The following RELCH variants were observed in gnomAD, a reference collection of about 807,000 sequenced individuals.
RELCH encodes the protein RAB11 binding and LisH domain, coiled-coil and HEAT repeat containing, also known as RAB11-binding protein RELCH.
Under a neutral mutation model 150.3 loss-of-function variants are expected in RELCH, and 41 were observed. That is an observed-to-expected ratio of 0.27 (90% CI 0.21 to 0.35). The LOEUF is 0.35. RELCH is among the 10% of genes least tolerant of loss of function. RELCH has a pLI of 1.00. For missense variants in RELCH, 1,092 were observed against 1,467.8 expected (o/e 0.74, Z 4.18); for synonymous variants, 478 against 531.8 (o/e 0.90, Z 1.39).
At chr18:62,229,102 C>A (rs555496206) in intron 8 of RELCH, among the ~76,000 whole-genome samples, 1 of 152,122 alleles carries the variant, frequency 6.6e-6, no homozygotes, top group South Asian at 2.1e-4. Flanking sequence ...ATGACAAAAA[C>A]CATGGTCCCT....
intron 1 of RELCH, among the ~76,000 whole-genome samples, chr18:62,203,642 C>A (rs1019709419): frequency 1.3e-5 from 2 of 152,252 alleles, no homozygotes. Flanking sequence ...TTAGCAGTAG[C>A]CTTAATCAAC....
chr18:62,273,976 G>A lies in RELCH; in HGVS notation c.2761-4G>A. 1.3e-6 allele frequency: 2 copies of A among 1,580,672 alleles called. No homozygotes were observed. The highest frequency in any genetic ancestry group is 1.7e-6 in the Non-Finnish European group (2 of 1,150,784). The stretch of plus-strand genomic sequence containing the variant: ...AATTCAGTATCAGTATTTTTCCTCT[G>A]TAGGAAGAAGACCGAAAACTGTTAG... On this transcript the variant is annotated splice_region_variant and splice_polypyrimidine_tract_variant and intron_variant, in intron 20 of 28. Coordinates refer to ENST00000644646, the MANE Select transcript of RELCH (RefSeq NM_001346231.2).
rs148287176 is a variant in RELCH at position 62,279,148 on chromosome 18, C to T, written c.2968-626C>T. On this transcript the variant is annotated intron_variant, in intron 22 of 28. Coordinates refer to ENST00000644646, the MANE Select transcript of RELCH (RefSeq NM_001346231.2). ...GGAAAATACTATGTATCTAAGACCACATGGCTTATATGTGGAGAACTGACG... is the reference window on the plus strand; with the variant it reads ...GGAAAATACTATGTATCTAAGACCATATGGCTTATATGTGGAGAACTGACG... Among the ~76,000 whole-genome samples, 316 of 152,292 alleles carry T rather than the reference C, an allele frequency of 2.1e-3. 4 individuals carry two copies. Among genetic ancestry groups the T allele is most frequent in the African/African-American group, 7.3e-3 (305 of 41,566 alleles).
At chr18:62,241,658 AT>A (rs2042153855) in intron 10 of RELCH, among the ~76,000 whole-genome samples, 1 of 152,102 alleles carries the variant, frequency 6.6e-6, no homozygotes, top group African/African-American at 2.4e-5. Flanking sequence ...TTTAATCACC[AT>A]TTTTTAAATG....
chr18:62,190,084 A>C (rs1224578644), intron 1 of RELCH, among the ~76,000 whole-genome samples: 3 of 152,222 alleles, frequency 2.0e-5, no homozygotes, highest in Non-Finnish European at 4.4e-5. Context: ...TCCTGTCTTT[A>C]ATGGTAGTTG....
chr18:62,260,212 T>TAAAAAAAA (rs1555739804), intron 15 of RELCH, among the ~76,000 whole-genome samples: 1 of 39,498 alleles, frequency 2.5e-5, no homozygotes, highest in African/African-American at 1.0e-4. Context: ...AAAATCCAAT[T>TAAAAAAAA]AAGGAATGGG....
rs910039311 is a variant in RELCH, at chr18:62,277,946, A to G, written c.2968-1828A>G. 4.6e-6 allele frequency: 3 copies of G among 648,762 alleles called. No homozygotes were observed. In the African/African-American group the frequency reaches 5.9e-5, roughly 13 times the overall value. The allele number at this position is 648,762 out of a possible 1,614,324, so 40.2% of individuals were successfully genotyped here. A position where few individuals can be genotyped will look rare whatever the true frequency, so the allele number is the denominator to read the frequency against. On this transcript the variant is annotated intron_variant, in intron 22 of 28. Coordinates refer to ENST00000644646, the MANE Select transcript of RELCH (RefSeq NM_001346231.2). Reference sequence around the variant, plus strand: ...ATGGACTTTAAGTCAGATGGGACAGAGTTCCTTTGCAGGCCCTGCAACTTA... The same window carrying G: ...ATGGACTTTAAGTCAGATGGGACAGGGTTCCTTTGCAGGCCCTGCAACTTA...
Position 62,264,766 on chromosome 18 carries a change from G to C in RELCH, c.2545G>C (p.Val849Leu), listed in dbSNP as rs2043459323. Reference protein sequence around the residue: ...QLIEIVGKINVTSTACVHEFS... With the variant: ...QLIEIVGKINLTSTACVHEFS... ...TATAGAAATAGTTGGCAAAATTAAT[G>C]TTACTTCAACTGCCTGTGTCCATGA... The change falls in exon 18 of 29, where the codon GTT becomes CTT. Residue 849 changes from valine to leucine, a missense_variant. By Grantham distance (32) the Val-to-Leu change is conservative (BLOSUM62 1). This residue lies in a region of RELCH where 707 missense variants were observed against 1,025.4 expected (regional missense o/e 0.69). Transcript: ENST00000644646. 6.2e-7 allele frequency: 1 copy of C among 1,604,076 alleles called. No homozygotes were observed. Among genetic ancestry groups the C allele is most frequent in the Non-Finnish European group, 8.5e-7 (1 of 1,174,264 alleles).
At chr18:62,225,446 A>T (rs968980630) in intron 5 of RELCH, among the ~76,000 whole-genome samples, 9 of 152,156 alleles carry the variant, frequency 5.9e-5, no homozygotes, top group Admixed American at 4.6e-4. Flanking sequence ...CTAATAAAGG[A>T]GTTATATCCA....
At chr18:62,210,639 T>C (rs562376264) in intron 1 of RELCH, among the ~76,000 whole-genome samples, 8 of 152,368 alleles carry the variant, frequency 5.3e-5, no homozygotes, top group African/African-American at 1.9e-4. Context: ...TTATACTAGC[T>C]ATAATAAAAT....
chr18:62,197,668 C>T (rs1438230963), intron 1 of RELCH, among the ~76,000 whole-genome samples: 3 of 152,112 alleles, frequency 2.0e-5, no homozygotes, highest in Admixed American at 6.5e-5. Context: ...GAATTGAATA[C>T]CCATTACAAT....
intron 2 of RELCH, among the ~76,000 whole-genome samples, chr18:62,216,550 G>C (rs1013232224): frequency 6.6e-6 from 1 of 151,938 alleles, no homozygotes; most frequent in Non-Finnish European, 1.5e-5. Flanking sequence ...TAATGTTTCA[G>C]ATTTATCACA....
chr18:62,236,785 T>A (rs969217740), intron 10 of RELCH, among the ~76,000 whole-genome samples: 43 of 151,884 alleles, frequency 2.8e-4, no homozygotes, highest in Non-Finnish European at 6.3e-4. Flanking sequence ...TAATTCTCTT[T>A]ATTGTTTTTC....
At chr18:62,251,268 A>C (rs1035154490) in intron 11 of RELCH, among the ~76,000 whole-genome samples, 1 of 152,202 alleles carries the variant, frequency 6.6e-6, no homozygotes, top group South Asian at 2.1e-4. Flanking sequence ...CGTTGGGGCT[A>C]TAGTCATCTC....
rs1599886882 is a variant in RELCH at position 62,220,902 on chromosome 18, A to G, written c.617-135A>G. The G allele has an allele frequency of 9.3e-6, 7 of 755,946 alleles. No homozygotes were observed. The East Asian group carries it at 1.5e-4, about 16-fold the overall frequency. The allele number at this position is 755,946 out of a possible 1,614,324, so 46.8% of individuals were successfully genotyped here. A position where few individuals can be genotyped will look rare whatever the true frequency, so the allele number is the denominator to read the frequency against. ...TGCTGCATGCGTTCACAAGTTTCAT[A>G]AAGATTGCATGCTTTCTGTTTTCAA... On this transcript the variant is annotated intron_variant, in intron 2 of 28. Coordinates refer to ENST00000644646, the MANE Select transcript of RELCH (RefSeq NM_001346231.2).
chr18:62,246,577 G>A (rs530290330), intron 11 of RELCH: 2 of 152,306 alleles, frequency 1.3e-5, no homozygotes, highest in South Asian at 4.1e-4. Context: ...TCAGCCATTT[G>A]AAGGGCCTGA....
At chr18:62,192,157 C>A (rs2038690251) in intron 1 of RELCH, among the ~76,000 whole-genome samples, 1 of 152,168 alleles carries the variant, frequency 6.6e-6, no homozygotes, top group African/African-American at 2.4e-5. Flanking sequence ...TGATGTTGAG[C>A]CTTTTTTCAT....
chr18:62,279,656 T>C (rs2144925207), intron 22 of RELCH, 118 bp from the exon 23 acceptor site: 1 of 624,268 alleles, frequency 1.6e-6, no homozygotes, highest in East Asian at 2.9e-5. Context: ...CTTCTAATTT[T>C]GGTTTTGCTT....
chr18:62,227,727 G>A, intron 7 of RELCH, 38 bp downstream of exon 7: 1 of 1,100,882 alleles, frequency 9.1e-7, no homozygotes, highest in Non-Finnish European at 1.3e-6. Context: ...ATCCTCTTAA[G>A]GTGTTTAAAA....
Sources: allele counts gnomAD v4.1 joint callset (sites outside exome capture counted in the v4.1 genomes callset), GRCh38; gene constraint gnomAD v4.1.1; regional missense constraint gnomAD v4.1.1; transcripts MANE v1.5; gene names NCBI Gene and HGNC (gene_info 2026-07-23, HGNC 2026-07-21).